HSDL2: variants seen among roughly 807,000 people sequenced by gnomAD.
HSDL2 encodes hydroxysteroid dehydrogenase-like protein 2.
HSDL2 carries 27 observed loss-of-function variants against 46.3 expected under a neutral mutation model. That is an observed-to-expected ratio of 0.58 (90% confidence interval 0.43 to 0.80). The LOEUF (loss-of-function observed/expected upper bound fraction) is 0.80, where lower values mean the gene tolerates loss of function less well. HSDL2 is among the 30% of genes least tolerant of loss of function. The probability of loss-of-function intolerance (pLI) is 0.00; values close to 1 mark genes in which losing one functional copy is unlikely to be tolerated. For synonymous variants in HSDL2, 153 were observed against 163.6 expected (o/e 0.94, Z 0.50); for missense variants, 451 against 502.7 (o/e 0.90, Z 0.98).
chr9:112,462,689 G>A (rs1833249313), intron 10 of HSDL2, among the ~76,000 whole-genome samples: 1 of 151,596 alleles, frequency 6.6e-6, no homozygotes, highest in Non-Finnish European at 1.5e-5. Context: ...TGTTAAAACA[G>A]TATTGTTGAG....
chr9:112,411,924 A>G (rs569544738), intron 4 of HSDL2, among the ~76,000 whole-genome samples: 1 of 152,218 alleles, frequency 6.6e-6, no homozygotes, highest in South Asian at 2.1e-4. Flanking sequence ...ATTATTGCTC[A>G]ACATGTTGAA....
intron 6 of HSDL2, among the ~76,000 whole-genome samples, chr9:112,427,492 AT>A (rs1318021877): frequency 3.3e-5 from 5 of 152,228 alleles, no homozygotes; most frequent in Non-Finnish European, 5.9e-5. Context: ...CCTTAATATC[AT>A]CTAATATCTA....
chr9:112,394,833 C>T (rs1164131399), intron 1 of HSDL2, among the ~76,000 whole-genome samples: 1 of 152,074 alleles, frequency 6.6e-6, no homozygotes, highest in Non-Finnish European at 1.5e-5. Context: ...TTCTCCTGGT[C>T]GAGTGGGGCA....
At chr9:112,419,925 C>T (rs559598981) in intron 6 of HSDL2, among the ~76,000 whole-genome samples, 3 of 152,308 alleles carry the variant, frequency 2.0e-5, no homozygotes, top group East Asian at 3.9e-4. Flanking sequence ...TAGGTTCTTA[C>T]CCTCTGCTTG....
intron 10 of HSDL2, among the ~76,000 whole-genome samples, chr9:112,462,185 C>T (rs888619208): frequency 2.0e-5 from 3 of 152,100 alleles, no homozygotes; most frequent in African/African-American, 7.2e-5. Flanking sequence ...AAATTTAGGC[C>T]AGGCGTGGTG....
At chr9:112,416,447 C>A (rs999626174) in intron 4 of HSDL2, among the ~76,000 whole-genome samples, 8 of 140,108 alleles carry the variant, frequency 5.7e-5, no homozygotes, top group South Asian at 2.2e-4. Flanking sequence ...AAAAAACAAA[C>A]AAAAAAAAAG....
At chr9:112,445,130 C>T (rs537288645) in intron 8 of HSDL2, among the ~76,000 whole-genome samples, 9 of 152,268 alleles carry the variant, frequency 5.9e-5, no homozygotes, top group African/African-American at 1.9e-4. Flanking sequence ...CATCCTGCCT[C>T]GGCCTCCCAA....
At chr9:112,447,435 C>T (rs1452197993) in intron 8 of HSDL2, among the ~76,000 whole-genome samples, 16 of 152,132 alleles carry the variant, frequency 1.1e-4, no homozygotes. Context: ...CTTGGCACCT[C>T]ATATGTAGAT....
intron 8 of HSDL2, among the ~76,000 whole-genome samples, chr9:112,447,670 T>G (rs939116224): frequency 1.3e-5 from 2 of 152,174 alleles, no homozygotes; most frequent in Non-Finnish European, 2.9e-5. Flanking sequence ...CTCAGCACTG[T>G]GTTCAGCTTT....
intron 1 of HSDL2, among the ~76,000 whole-genome samples, chr9:112,393,144 A>G (rs12685922): frequency 0.015 from 2,281 of 152,340 alleles, 78 homozygotes; most frequent in East Asian, 0.1. Context: ...GGAGCCCCCA[A>G]TAGACTTAAT....
At chr9:112,385,709 G>C (rs576845856) in intron 1 of HSDL2, among the ~76,000 whole-genome samples, 7 of 151,706 alleles carry the variant, frequency 4.6e-5, no homozygotes, top group African/African-American at 1.7e-4. Context: ...TGGTCAGGCT[G>C]GTCTCAAACT....
intron 8 of HSDL2, among the ~76,000 whole-genome samples, chr9:112,442,862 T>C: frequency 6.6e-6 from 1 of 152,168 alleles, no homozygotes; most frequent in Admixed American, 6.5e-5. Context: ...TCCAGCTTTC[T>C]TTTATTTATT....
intron 8 of HSDL2, among the ~76,000 whole-genome samples, chr9:112,444,532 G>A (rs1832705948): frequency 6.6e-6 from 1 of 152,046 alleles, no homozygotes; most frequent in South Asian, 2.1e-4. Flanking sequence ...GAGCCCAGGA[G>A]TTCAAGACTA....
chr9:112,428,981 C>T (rs912119908), intron 6 of HSDL2, among the ~76,000 whole-genome samples: 1 of 152,210 alleles, frequency 6.6e-6, no homozygotes, highest in African/African-American at 2.4e-5. Flanking sequence ...TCACTGCAAC[C>T]TCTGCCTCCC....
chr9:112,416,105 C>CAAAA (rs35263826), intron 4 of HSDL2, among the ~76,000 whole-genome samples: 2 of 131,968 alleles, frequency 1.5e-5, no homozygotes. Context: ...GACTCCGTCT[C>CAAAA]AAAAAAAAAA....
At chr9:112,457,609 C>T (rs1564132723) in intron 9 of HSDL2, among the ~76,000 whole-genome samples, 1 of 152,178 alleles carries the variant, frequency 6.6e-6, no homozygotes, top group Non-Finnish European at 1.5e-5. Context: ...CATGCCACTT[C>T]ACTCTAGCCT....
chr9:112,385,981 C>T (rs1411382933), intron 1 of HSDL2, among the ~76,000 whole-genome samples: 1 of 151,100 alleles, frequency 6.6e-6, no homozygotes, highest in East Asian at 1.9e-4. Context: ...TGCTATGTTG[C>T]CTAGGCTGGT....
At chr9:112,395,533 T>C (rs947593728) in intron 1 of HSDL2, among the ~76,000 whole-genome samples, 1 of 152,258 alleles carries the variant, frequency 6.6e-6, no homozygotes, top group Admixed American at 6.5e-5. Flanking sequence ...CCTGAGGAAG[T>C]ACTTTCCATT....
At chr9:112,394,563 G>A (rs1334730656) in intron 1 of HSDL2, among the ~76,000 whole-genome samples, 1 of 152,010 alleles carries the variant, frequency 6.6e-6, no homozygotes, top group African/African-American at 2.4e-5. Context: ...AGTTTTAGAT[G>A]GGCCCTCAAA....
Sources: allele counts gnomAD v4.1 joint callset (sites outside exome capture counted in the v4.1 genomes callset), GRCh38; gene constraint gnomAD v4.1.1; transcripts MANE v1.5; gene names NCBI Gene and HGNC (gene_info 2026-07-23, HGNC 2026-07-21).